PGPEP1: variants seen among roughly 807,000 people sequenced by gnomAD.
PGPEP1 encodes the protein pyroglutamyl-peptidase I.
A neutral mutation model predicts 24.1 loss-of-function variants in PGPEP1; 15 were observed. That is an observed-to-expected ratio of 0.62 (90% CI 0.42 to 0.96). The LOEUF is 0.96. Among genes scored for constraint, PGPEP1 ranks in the 40% least tolerant of loss-of-function variants. The pLI, the probability that PGPEP1 is intolerant of heterozygous loss-of-function variation, is 0.00. For synonymous variants in PGPEP1, 122 were observed against 116.4 expected (o/e 1.05, Z -0.31); for missense variants, 242 against 273.4 (o/e 0.89, Z 0.81).
chr19:18,340,939 G>C (rs1308368204), intron 1 of PGPEP1, among the ~76,000 whole-genome samples: 1 of 152,114 alleles, frequency 6.6e-6, no homozygotes, highest in African/African-American at 2.4e-5. Flanking sequence ...GCGGGGCTTG[G>C]GGGGCCGGGC....
At chr19:18,347,257 TC>T in intron 2 of PGPEP1, among the ~76,000 whole-genome samples, 1 of 81,208 alleles carries the variant, frequency 1.2e-5, no homozygotes, top group Non-Finnish European at 2.8e-5. Context: ...AATTTTTTTT[TC>T]TTTCTTTCTT....
At chr19:18,356,077 G>C (rs948119240) in intron 3 of PGPEP1, 66 bp downstream of exon 3, 65 of 958,232 alleles carry the variant, frequency 6.8e-5, no homozygotes, top group Non-Finnish European at 1.1e-4. Flanking sequence ...TCATGTGGAG[G>C]ACTTAGGTGG....
rs1971522663 is a variant in PGPEP1, at chr19:18,365,684, G to C, written c.*2101G>C. 6.6e-6 allele frequency: 1 copy of C among 152,214 alleles called. No individual in the cohort carries two copies. The highest frequency in any genetic ancestry group is 6.6e-5 in the Admixed American group (1 of 15,244). 9.4% of individuals were successfully genotyped at this position (152,214 alleles called of 1,614,324 possible). A position where few individuals can be genotyped will look rare whatever the true frequency, so the allele number is the denominator to read the frequency against. ...ACAGCTGAGAGTTTTGTTTTCTTCA[G>C]CGTTCACCTTCCTTGTCTCCAGTTC... On this transcript the variant is annotated 3_prime_UTR_variant, in exon 5 of 5. Coordinates refer to ENST00000269919, the MANE Select transcript of PGPEP1 (RefSeq NM_017712.4).
intron 2 of PGPEP1, among the ~76,000 whole-genome samples, chr19:18,343,827 C>T (rs936609803): frequency 6.6e-6 from 1 of 151,804 alleles, no homozygotes; most frequent in Admixed American, 6.6e-5. Flanking sequence ...GGATTACAGG[C>T]ACCTGCTACC....
Position 18,368,442 on chromosome 19 carries a change from A to C in PGPEP1, c.*4859A>C, listed in dbSNP as rs1365658619. On this transcript the variant is annotated 3_prime_UTR_variant, in exon 5 of 5. Transcript: ENST00000269919. Reference sequence around the variant, plus strand: ...CAACATAGCAAGACTCTGTCACAAAAAAAAAAAAAAAAAAGAATTCCCTGC... The same window carrying C: ...CAACATAGCAAGACTCTGTCACAAACAAAAAAAAAAAAAAGAATTCCCTGC... 1 of 44,748 alleles carries C rather than the reference A, an allele frequency of 2.2e-5. No homozygotes were observed. Among genetic ancestry groups the C allele is most frequent in the East Asian group, 6.7e-4 (1 of 1,496 alleles). The allele number at this position is 44,748 out of a possible 1,614,324, so 2.8% of individuals were successfully genotyped here.
intron 2 of PGPEP1, among the ~76,000 whole-genome samples, chr19:18,352,413 T>C (rs1461898921): frequency 6.6e-6 from 1 of 150,764 alleles, no homozygotes; most frequent in Admixed American, 6.6e-5. Flanking sequence ...TACTGAATGA[T>C]TTTTGATAAT....
chr19:18,363,698 AAG>A lies in PGPEP1; in HGVS notation c.*121_*122del. ...TCTTCAGCTTGGGGATCCGATCTGG[AAG>A]AGAGATTCTGATCTGCCCACCTCCT... On this transcript the variant is annotated 3_prime_UTR_variant, in exon 5 of 5. Coordinates refer to ENST00000269919, the MANE Select transcript of PGPEP1 (RefSeq NM_017712.4). 2 of 693,164 alleles carry A rather than the reference AAG, an allele frequency of 2.9e-6. No individual in the cohort carries two copies. The highest frequency in any genetic ancestry group is 4.8e-6 in the Non-Finnish European group (2 of 417,168). 42.9% of individuals were successfully genotyped at this position (693,164 alleles called of 1,614,324 possible).
At chr19:18,361,643 CAT>C (rs1217695224) in intron 4 of PGPEP1, 2 of 705,934 alleles carry the variant, frequency 2.8e-6, no homozygotes, top group African/African-American at 3.9e-5. Context: ...AACATATCCT[CAT>C]ATGTCTAATT....
intron 2 of PGPEP1, among the ~76,000 whole-genome samples, chr19:18,351,894 G>A (rs954038021): frequency 5.3e-5 from 8 of 151,882 alleles, no homozygotes; most frequent in African/African-American, 1.2e-4. Context: ...AGAGGCCAAG[G>A]GGGGGCTGAT....
At position 18,363,772 on chromosome 19, in the gene PGPEP1, G is replaced by GA; in HGVS notation, c.*193dup. 2.2e-5 allele frequency: 11 copies of GA among 497,162 alleles called. No homozygotes were observed. Among genetic ancestry groups the GA allele is most frequent in the South Asian group, 3.7e-5 (1 of 26,852 alleles). The allele number at this position is 497,162 out of a possible 1,614,324, so 30.8% of individuals were successfully genotyped here. Reference sequence around the variant, plus strand: ...CTCCGGTTGATTCGAGGGAAGTGGTGAAAATTTTTTTTTCTCCCATTTTCC... The same window carrying GA: ...CTCCGGTTGATTCGAGGGAAGTGGTGAAAAATTTTTTTTTCTCCCATTTTCC... On this transcript the variant is annotated 3_prime_UTR_variant, in exon 5 of 5. Coordinates refer to ENST00000269919, the MANE Select transcript of PGPEP1 (RefSeq NM_017712.4).
At chr19:18,342,324 C>T (rs965448647) in intron 1 of PGPEP1, among the ~76,000 whole-genome samples, 1 of 152,176 alleles carries the variant, frequency 6.6e-6, no homozygotes, top group Non-Finnish European at 1.5e-5. Flanking sequence ...TAGGAAACAC[C>T]CTTGCCTGAA....
At chr19:18,361,827 A>G (rs1971355256) in intron 4 of PGPEP1, 1 of 985,198 alleles carries the variant, frequency 1.0e-6, no homozygotes, top group Admixed American at 6.2e-5. Context: ...ATGGAGTCAC[A>G]TGGCGAAAGT....
At chr19:18,356,993 G>A (rs140648324) in intron 3 of PGPEP1, among the ~76,000 whole-genome samples, 13 of 145,742 alleles carry the variant, frequency 8.9e-5, no homozygotes, top group Admixed American at 1.4e-4. Context: ...AGCTGAGATC[G>A]CGCCACTGCA....
chr19:18,348,780 G>A (rs1248554249), intron 2 of PGPEP1, among the ~76,000 whole-genome samples: 2 of 151,938 alleles, frequency 1.3e-5, no homozygotes, highest in African/African-American at 4.8e-5. Context: ...GTTTTGAGAT[G>A]GGGTCTTGCT....
At chr19:18,351,997 C>T (rs927561865) in intron 2 of PGPEP1, among the ~76,000 whole-genome samples, 2 of 151,628 alleles carry the variant, frequency 1.3e-5, no homozygotes, top group African/African-American at 4.8e-5. Flanking sequence ...GTTGGCCGGG[C>T]GCGGTGGCTC....
intron 4 of PGPEP1, among the ~76,000 whole-genome samples, chr19:18,358,943 G>C (rs553741926): frequency 6.6e-6 from 1 of 152,202 alleles, no homozygotes; most frequent in African/African-American, 2.4e-5. Context: ...TGAGGTCCCA[G>C]GTGAACACGA....
chr19:18,365,925 CTT>C lies in PGPEP1; in HGVS notation c.*2351_*2352del, dbSNP rs11338117. The C allele has an allele frequency of 9.3e-5, 14 of 150,982 alleles. No individual in the cohort carries two copies. Among genetic ancestry groups the C allele is most frequent in the African/African-American group, 1.2e-4 (5 of 40,998 alleles). The allele number at this position is 150,982 out of a possible 1,614,324, so 9.4% of individuals were successfully genotyped here. A position where few individuals can be genotyped will look rare whatever the true frequency, so the allele number is the denominator to read the frequency against. ...GACACTATTGTTCCCTCCATGCCAG[CTT>C]TTTTTTTTGCTGGAAATGCCCCCTC... On this transcript the variant is annotated 3_prime_UTR_variant, in exon 5 of 5. Coordinates refer to ENST00000269919, the MANE Select transcript of PGPEP1 (RefSeq NM_017712.4).
chr19:18,348,218 C>T (rs925172099), intron 2 of PGPEP1, among the ~76,000 whole-genome samples: 6 of 151,954 alleles, frequency 3.9e-5, no homozygotes, highest in Non-Finnish European at 5.9e-5. Context: ...TGGGGAGCTC[C>T]GGGGCTCGGG....
chr19:18,351,794 T>C (rs1389802711), intron 2 of PGPEP1, among the ~76,000 whole-genome samples: 1 of 151,762 alleles, frequency 6.6e-6, no homozygotes, highest in African/African-American at 2.4e-5. Flanking sequence ...AAAAATTCTA[T>C]GGGATTTCTC....
Sources: gnomAD v4.1 joint callset for allele counts (sites outside exome capture counted in the v4.1 genomes callset) on GRCh38, gnomAD v4.1.1 for gene constraint, MANE v1.5 for transcripts, NCBI Gene and HGNC (gene_info 2026-07-23, HGNC 2026-07-21) for gene names.